The following MEAF6 variants were observed in gnomAD, a reference collection of about 807,000 sequenced individuals.
The protein encoded by MEAF6 is MYST/Esa1 associated factor 6.
Under a neutral mutation model 28.9 loss-of-function variants are expected in MEAF6, and 15 were observed. The ratio of observed to expected loss-of-function variants is 0.52; its 90% CI spans 0.35 to 0.80. MEAF6 has a LOEUF of 0.80. Among genes scored for constraint, MEAF6 ranks in the 30% least tolerant of loss-of-function variants. The pLI, the probability that MEAF6 is intolerant of heterozygous loss-of-function variation, is 0.01. For missense variants in MEAF6, 178 were observed against 237.5 expected (o/e 0.75, Z 1.65); for synonymous variants, 97 against 88.7 (o/e 1.09, Z -0.53).
Position 37,490,309 on chromosome 1 carries a change from G to C in MEAF6, c.*3790C>G, listed in dbSNP as rs1046958514. On this transcript the variant is annotated 3_prime_UTR_variant, in exon 7 of 7. Coordinates refer to ENST00000296214, the MANE Select transcript of MEAF6 (RefSeq NM_001270875.3). Reference sequence around the variant, plus strand: ...AGTGAAAACTGTTTCAAATCACGAAGCTTACCACTTAGACAATTCAGACAA... The same window carrying C: ...AGTGAAAACTGTTTCAAATCACGAACCTTACCACTTAGACAATTCAGACAA... Among the ~76,000 whole-genome samples the C allele has an allele frequency of 2.0e-4, 31 of 152,044 alleles. No homozygotes were observed. The highest frequency in any genetic ancestry group is 1.2e-3 in the Admixed American group (19 of 15,270).
At chr1:37,496,507 G>A (rs1569954718) in intron 5 of MEAF6, 9 of 1,092,270 alleles carry the variant, frequency 8.2e-6, no homozygotes, top group South Asian at 2.3e-5. Flanking sequence ...TAAAAGTGAA[G>A]TTTACTTAAT....
At chr1:37,497,003 G>A (rs1642146347) in intron 5 of MEAF6, among the ~76,000 whole-genome samples, 1 of 152,142 alleles carries the variant, frequency 6.6e-6, no homozygotes, top group Non-Finnish European at 1.5e-5. Flanking sequence ...TTTATTAGCT[G>A]CCAAATTCGG....
intron 6 of MEAF6, among the ~76,000 whole-genome samples, chr1:37,495,481 T>C (rs1642089286): frequency 1.3e-5 from 2 of 150,674 alleles, no homozygotes; most frequent in East Asian, 3.9e-4. Context: ...GGTAGGAGGA[T>C]TGCTTAAGTC....
At chr1:37,511,214 A>T (rs190291951) in intron 2 of MEAF6, among the ~76,000 whole-genome samples, 30 of 152,342 alleles carry the variant, frequency 2.0e-4, no homozygotes, top group African/African-American at 7.0e-4. Context: ...AAAGCAATGG[A>T]GTACTCCAAA....
chr1:37,514,755 G>A lies in MEAF6; in HGVS notation c.-9C>T. 3 of 1,464,394 alleles carry A rather than the reference G, an allele frequency of 2.0e-6. No individual in the cohort carries two copies. The highest frequency in any genetic ancestry group is 2.6e-5 in the South Asian group (2 of 75,876). 90.7% of individuals were successfully genotyped at this position (1,464,394 alleles called of 1,614,324 possible). A position where few individuals can be genotyped will look rare whatever the true frequency, so the allele number is the denominator to read the frequency against. Reference sequence around the variant, plus strand: ...TTGTTGTGCATCGCCATGTTGGGCTGAGGCGGGCGGCGGCGGCGCGAGGTT... The same window carrying A: ...TTGTTGTGCATCGCCATGTTGGGCTAAGGCGGGCGGCGGCGGCGCGAGGTT... On this transcript the variant is annotated 5_prime_UTR_variant, in exon 1 of 7. Transcript: ENST00000296214.
intron 4 of MEAF6, among the ~76,000 whole-genome samples, chr1:37,502,549 TTTTCTTGTTTTTTTTTTGTTTGTTTG>T (rs1031689441): frequency 3.9e-5 from 5 of 127,140 alleles, no homozygotes; most frequent in African/African-American, 1.3e-4. Flanking sequence ...TTCCATTGTT[TTTTCTTGTTTTTTTTTTGTTTGTTTG>T]TTTAACCTTT....
intron 4 of MEAF6, among the ~76,000 whole-genome samples, 171 bp from the exon 5 acceptor site, chr1:37,502,167 A>C (rs1642329926): frequency 6.8e-6 from 1 of 146,268 alleles, no homozygotes; most frequent in Admixed American, 7.0e-5. Flanking sequence ...ATACATACAA[A>C]GGATCCAAGT....
intron 5 of MEAF6, among the ~76,000 whole-genome samples, chr1:37,498,967 T>G (rs143705946): frequency 3.4e-4 from 51 of 151,996 alleles, no homozygotes; most frequent in African/African-American, 1.1e-3. Context: ...CTGTGCAGCA[T>G]GGCAAAACCC....
chr1:37,493,626 A>C lies in MEAF6; in HGVS notation c.*473T>G. The C allele has an allele frequency of 1.3e-6, 1 of 774,702 alleles. No homozygotes were observed. The highest frequency in any genetic ancestry group is 1.7e-5 in the South Asian group (1 of 60,068). 48.0% of individuals were successfully genotyped at this position (774,702 alleles called of 1,614,324 possible). A position where few individuals can be genotyped will look rare whatever the true frequency, so the allele number is the denominator to read the frequency against. ...GGCATTACAAAAAAACCCCAAAGAA[A>C]ATAAGATAAAAACAACAAGAGAAAA... is the stretch of plus-strand genomic sequence containing the variant. On this transcript the variant is annotated 3_prime_UTR_variant, in exon 7 of 7. Transcript: ENST00000296214.
chr1:37,500,072 C>T (rs2148068454), intron 5 of MEAF6, among the ~76,000 whole-genome samples: 1 of 152,254 alleles, frequency 6.6e-6, no homozygotes, highest in South Asian at 2.1e-4. Flanking sequence ...TTTGGGAGGC[C>T]GAGGCAGGTG....
Position 37,513,446 on chromosome 1 carries a change from C to G in MEAF6, c.183G>C (p.Trp61Cys). 6.2e-7 allele frequency: 1 copy of G among 1,614,114 alleles called. No homozygotes were observed. The highest frequency in any genetic ancestry group is 8.5e-7 in the Non-Finnish European group (1 of 1,179,956). Residue 61 changes from tryptophan (W) to cysteine (C), a missense_variant, in exon 2 of 7, where the codon TGG becomes TGC. Coordinates refer to ENST00000296214, the MANE Select transcript of MEAF6 (RefSeq NM_001270875.3). ...TQMYGNIIRG[W>C]DRYLTNQKNS... Reference sequence around the variant, plus strand: ...ACTTTTGGTTGGTCAGATACCGATCCCAGCCACGAATAATATTGCCATACA... The same window carrying G: ...ACTTTTGGTTGGTCAGATACCGATCGCAGCCACGAATAATATTGCCATACA...
rs1418999597 is a variant in MEAF6 at position 37,509,462 on chromosome 1, G to T, written c.287C>A (p.Ser96Ter). 6.2e-7 allele frequency: 1 copy of T among 1,613,990 alleles called. No individual in the cohort carries two copies. The highest frequency in any genetic ancestry group is 8.5e-7 in the Non-Finnish European group (1 of 1,179,940). Reference sequence around the variant, plus strand: ...CCCACCACCACTACTTACAGCTGCTGAGGTAACCGAGGATTTACTGAAGAG... The same window carrying T: ...CCCACCACCACTACTTACAGCTGCTTAGGTAACCGAGGATTTACTGAAGAG... ...ERLFSKSSVT[S>*]AAAVSALAGV... The change falls in exon 3 of 7, where the codon TCA (serine) becomes TAA (stop). Residue 96 changes from serine to a stop codon, truncating the protein, a stop_gained. Transcript: ENST00000296214. LOFTEE classifies it high-confidence loss of function.
chr1:37,503,633 C>A lies in MEAF6; in HGVS notation c.341-1637G>T, dbSNP rs991080325. On this transcript the variant is annotated intron_variant, in intron 4 of 6. Coordinates refer to ENST00000296214, the MANE Select transcript of MEAF6 (RefSeq NM_001270875.3). ...ATCTTACCACTGCAATGCACTCTAG[C>A]CTGGGCAACAGAGCAAGACTGTCTC... Among the ~76,000 whole-genome samples, 3 of 145,642 alleles carry A rather than the reference C, an allele frequency of 2.1e-5. No individual in the cohort carries two copies. The Admixed American group carries it at 2.1e-4, about 10-fold the overall frequency.
At chr1:37,502,546 GTTTT>G (rs1007217915) in intron 4 of MEAF6, among the ~76,000 whole-genome samples, 3 of 120,796 alleles carry the variant, frequency 2.5e-5, no homozygotes, top group African/African-American at 8.2e-5. Context: ...GTTTTCCATT[GTTTT>G]TTCTTGTTTT....
At chr1:37,499,955 T>G (rs1301016813) in intron 5 of MEAF6, among the ~76,000 whole-genome samples, 3 of 152,160 alleles carry the variant, frequency 2.0e-5, no homozygotes, top group Non-Finnish European at 4.4e-5. Context: ...CCCCGAAACT[T>G]TCAAAGAGTT....
chr1:37,507,540 G>A (rs1642526823), intron 4 of MEAF6, among the ~76,000 whole-genome samples: 1 of 151,920 alleles, frequency 6.6e-6, no homozygotes, highest in Non-Finnish European at 1.5e-5. Context: ...TGGCAGAAAG[G>A]AGTCAAAGAC....
intron 5 of MEAF6, among the ~76,000 whole-genome samples, chr1:37,497,232 G>C (rs966090906): frequency 1.0e-5 from 1 of 95,968 alleles, no homozygotes; most frequent in South Asian, 3.3e-4. Context: ...ATATGGGTTT[G>C]TTTGTTTGTT....
chr1:37,503,248 A>T (rs1642373575), intron 4 of MEAF6, among the ~76,000 whole-genome samples: 1 of 152,244 alleles, frequency 6.6e-6, no homozygotes, highest in Admixed American at 6.5e-5. Flanking sequence ...GAATACTTTT[A>T]AAATGCAGTA....
rs1278509607 is a variant in MEAF6, at chr1:37,513,551, A to G, written c.91-13T>C. 2.5e-6 allele frequency: 4 copies of G among 1,580,750 alleles called. No individual in the cohort carries two copies. Among genetic ancestry groups the G allele is most frequent in the Non-Finnish European group, 3.5e-6 (4 of 1,149,496 alleles). The stretch of plus-strand genomic sequence containing the variant: ...TTGCCAATGTTTCCTGAGAGATGAA[A>G]AACAAGGACATGAATGATACCTTTT... On this transcript the variant is annotated splice_polypyrimidine_tract_variant and intron_variant, in intron 1 of 6. Coordinates refer to ENST00000296214, the MANE Select transcript of MEAF6 (RefSeq NM_001270875.3).
Sources: allele counts gnomAD v4.1 joint callset (sites outside exome capture counted in the v4.1 genomes callset), GRCh38; gene constraint gnomAD v4.1.1; transcripts MANE v1.5; gene names NCBI Gene and HGNC (gene_info 2026-07-23, HGNC 2026-07-21).